Variants in CROCC2 observed in about 807,000 individuals in gnomAD.
CROCC2 encodes the protein ciliary rootlet coiled-coil protein 2.
Under a neutral mutation model 177.6 loss-of-function variants are expected in CROCC2, and 163 were observed. The observed-to-expected ratio is 0.92, with a 90% CI of 0.81 to 1.05. The LOEUF is 1.05. Ranked by LOEUF, CROCC2 falls within the 50% of genes least tolerant of loss-of-function variation. CROCC2 has a pLI of 0.00. For missense variants in CROCC2, 1,929 were observed against 1,797.8 expected (o/e 1.07, Z -1.32); for synonymous variants, 904 against 787.3 (o/e 1.15, Z -2.48).
At position 240,933,857 on chromosome 2, in the gene CROCC2, G is replaced by A. The variant is rs915203261; in HGVS notation, c.1646+5G>A. 83 of 1,541,434 alleles carry A rather than the reference G, an allele frequency of 5.4e-5. 1 individual carries two copies. In the East Asian group the frequency reaches 1.2e-3, roughly 23 times the overall value. On this transcript the variant is annotated splice_donor_5th_base_variant and intron_variant, in intron 11 of 31. Coordinates refer to ENST00000690015, the MANE Select transcript of CROCC2 (RefSeq NM_001351305.2). ...CTGCAGGGCACTGGAGACCAGGTGCGCGGCCGTGGCTGGGTGGGCAGGGCC... is the reference window on the plus strand; with the variant it reads ...CTGCAGGGCACTGGAGACCAGGTGCACGGCCGTGGCTGGGTGGGCAGGGCC...
At chr2:240,911,630 G>A (rs980935610) in intron 1 of CROCC2, among the ~76,000 whole-genome samples, 2 of 151,610 alleles carry the variant, frequency 1.3e-5, no homozygotes, top group Non-Finnish European at 2.9e-5. Context: ...CTGAGACTCT[G>A]CCCCCATTCA....
rs553300803 is a variant in CROCC2, at chr2:240,967,612, C to T, written c.4267+147C>T. 57 of 1,474,010 alleles carry T rather than the reference C, an allele frequency of 3.9e-5. No homozygotes were observed. In the African/African-American group the frequency reaches 7.4e-4, roughly 19 times the overall value. 91.3% of individuals were successfully genotyped at this position (1,474,010 alleles called of 1,614,324 possible). On this transcript the variant is annotated intron_variant, in intron 26 of 31. Coordinates refer to ENST00000690015, the MANE Select transcript of CROCC2 (RefSeq NM_001351305.2). ...TGGGGGCAACACCCAAACCACCAGGCCTGGCGAGGCTGGGTCAGCGCTTGG... is the reference window on the plus strand; with the variant it reads ...TGGGGGCAACACCCAAACCACCAGGTCTGGCGAGGCTGGGTCAGCGCTTGG...
At position 240,953,557 on chromosome 2, in the gene CROCC2, G is replaced by C. The variant is rs551658612; in HGVS notation, c.2830-2302G>C. 6.6e-6 allele frequency among the ~76,000 whole-genome samples: 1 copy of C among 152,182 alleles called. No individual in the cohort carries two copies. The highest frequency in any genetic ancestry group is 2.1e-4 in the South Asian group (1 of 4,830). ...GCACAGACGGGCTGGCCTGTGGGGA[G>C]CCCTTGCCGGTGCAGCAAGTGAGTT... On this transcript the variant is annotated intron_variant, in intron 18 of 31. Transcript: ENST00000690015. The surrounding 1 kb of genome is among the most constrained non-coding windows in gnomAD (Gnocchi z 4.0).
chr2:240,910,825 C>T (rs1322715954), intron 1 of CROCC2, among the ~76,000 whole-genome samples: 2 of 152,160 alleles, frequency 1.3e-5, no homozygotes, highest in Non-Finnish European at 2.9e-5. Flanking sequence ...ATTGTTCAGC[C>T]TTTTTAAAAA....
At chr2:240,965,290 G>C in intron 22 of CROCC2, 91 bp from the exon 23 acceptor site, 1 of 1,509,334 alleles carries the variant, frequency 6.6e-7, no homozygotes, top group South Asian at 1.3e-5. Context: ...CTGCCCTCAA[G>C]GGACGTGTGA....
At chr2:240,927,450 G>A (rs942702877) in intron 5 of CROCC2, among the ~76,000 whole-genome samples, 1 of 152,048 alleles carries the variant, frequency 6.6e-6, no homozygotes, top group East Asian at 1.9e-4. Context: ...CACAGTTCAC[G>A]GATTTGTTCT....
At chr2:240,983,294 A>G (rs1028456184) in intron 28 of CROCC2, 1 of 1,081,928 alleles carries the variant, frequency 9.2e-7, no homozygotes, top group Non-Finnish European at 1.3e-6. Flanking sequence ...CCTACAACAG[A>G]GGAGTCAGCT....
intron 4 of CROCC2, among the ~76,000 whole-genome samples, chr2:240,925,227 G>C (rs949092862): frequency 6.6e-6 from 1 of 152,216 alleles, no homozygotes; most frequent in African/African-American, 2.4e-5. Context: ...GGGGGTGCCG[G>C]CTCCCGAGGT....
chr2:240,954,060 A>G (rs1439331251), intron 18 of CROCC2, among the ~76,000 whole-genome samples: 1 of 152,202 alleles, frequency 6.6e-6, no homozygotes, highest in Non-Finnish European at 1.5e-5. Flanking sequence ...TAAACAGCCA[A>G]CCGGCCTCCA....
chr2:240,961,309 G>A lies in CROCC2; in HGVS notation c.3087+1865G>A, dbSNP rs1172139934. Among the ~76,000 whole-genome samples, 6 of 152,204 alleles carry A rather than the reference G, an allele frequency of 3.9e-5. No homozygotes were observed. The East Asian group carries it at 1.2e-3, about 29-fold the overall frequency. On this transcript the variant is annotated intron_variant, in intron 20 of 31. Coordinates refer to ENST00000690015, the MANE Select transcript of CROCC2 (RefSeq NM_001351305.2). Reference sequence around the variant, plus strand: ...ACACTTGACACTCAGAGTGGTGTGTGCATGCTGAATGCAGACACACAAGCC... The same window carrying A: ...ACACTTGACACTCAGAGTGGTGTGTACATGCTGAATGCAGACACACAAGCC...
intron 13 of CROCC2, 75 bp downstream of exon 13, chr2:240,935,137 C>T (rs2059459825): frequency 7.6e-7 from 1 of 1,318,692 alleles, no homozygotes; most frequent in East Asian, 3.1e-5. Context: ...CAGCCCTAGG[C>T]CTTCTTTCCA....
In CROCC2 at chr2:240,959,078, C is replaced by G. The variant is rs2106475346; in HGVS notation, c.2944-223C>G. ...CCTGCTGTGTCCGTGGGCACTCACA[C>G]ATCACAGCTGTCAGGGGCCGTGGAT... On this transcript the variant is annotated intron_variant, in intron 19 of 31. Transcript: ENST00000690015. The G allele has an allele frequency of 1.7e-5, 9 of 531,304 alleles. No individual in the cohort carries two copies. In the South Asian group the frequency reaches 2.3e-4, roughly 14 times the overall value. The allele number at this position is 531,304 out of a possible 1,614,324, so 32.9% of individuals were successfully genotyped here. A position where few individuals can be genotyped will look rare whatever the true frequency, so the allele number is the denominator to read the frequency against.
chr2:240,961,121 C>T (rs76772356), intron 20 of CROCC2, among the ~76,000 whole-genome samples: 2 of 152,076 alleles, frequency 1.3e-5, no homozygotes, highest in South Asian at 4.1e-4. Context: ...AAGCAGAGCC[C>T]GTGCAGGCGC....
chr2:240,983,413 G>A (rs1188827748), intron 28 of CROCC2: 14 of 1,284,724 alleles, frequency 1.1e-5, no homozygotes, highest in East Asian at 6.0e-5. Flanking sequence ...CACGCCCAGC[G>A]TCTTCGGCCC....
Position 240,917,299 on chromosome 2 carries a change from G to C in CROCC2, c.79-1427G>C, listed in dbSNP as rs1470809544. On this transcript the variant is annotated intron_variant, in intron 1 of 31. Coordinates refer to ENST00000690015, the MANE Select transcript of CROCC2 (RefSeq NM_001351305.2). The surrounding 1 kb of genome is among the most constrained non-coding windows in gnomAD (Gnocchi z 4.9). The stretch of plus-strand genomic sequence containing the variant: ...TGCGGTGACTCTCCAACCCCGGCGA[G>C]GGGGGCCGCGATCTTTGGGGTGCAG... Among the ~76,000 whole-genome samples, 1 of 136,284 alleles carries C rather than the reference G, an allele frequency of 7.3e-6. No homozygotes were observed. The highest frequency in any genetic ancestry group is 1.5e-5 in the Non-Finnish European group (1 of 67,684). The allele number at this position is 136,284 out of a possible 152,430, so 89.4% of individuals were successfully genotyped here.
In CROCC2 at chr2:240,982,804, C is replaced by T. The variant is rs2059809916; in HGVS notation, c.4402-76C>T. On this transcript the variant is annotated intron_variant, in intron 27 of 31. Coordinates refer to ENST00000690015, the MANE Select transcript of CROCC2 (RefSeq NM_001351305.2). The surrounding 1 kb of genome is among the most constrained non-coding windows in gnomAD (Gnocchi z 4.7). ...CCTGCCAGACGGTCTAGGCAGATGC[C>T]CTGAGGCCAGGGTTTCCCTGCAGGG... The T allele has an allele frequency of 7.3e-7, 1 of 1,369,168 alleles. No homozygotes were observed. Among genetic ancestry groups the T allele is most frequent in the Admixed American group, 2.3e-5 (1 of 43,332 alleles). The allele number at this position is 1,369,168 out of a possible 1,614,324, so 84.8% of individuals were successfully genotyped here.
intron 9 of CROCC2, 23 bp from the exon 10 acceptor site, chr2:240,933,108 C>T (rs2106461477): frequency 6.5e-7 from 1 of 1,549,816 alleles, no homozygotes; most frequent in Non-Finnish European, 8.7e-7. Context: ...CAGAGAGGCC[C>T]ACAACTTACC....
At chr2:240,938,971 C>CT (rs908836916) in intron 14 of CROCC2, among the ~76,000 whole-genome samples, 4 of 152,046 alleles carry the variant, frequency 2.6e-5, no homozygotes, top group African/African-American at 9.7e-5. Flanking sequence ...AATAGTTTTA[C>CT]TTTTTTTCTG....
intron 27 of CROCC2, among the ~76,000 whole-genome samples, chr2:240,975,766 G>C (rs182022367): frequency 8.1e-6 from 1 of 123,330 alleles, no homozygotes; most frequent in African/African-American, 3.2e-5. Context: ...TTTTGCTCTC[G>C]TTGCCCAGGC....
Sources: gnomAD v4.1 joint callset for allele counts (sites outside exome capture counted in the v4.1 genomes callset) on GRCh38, gnomAD v4.1.1 for gene constraint, Gnocchi (gnomAD v3.1) non-coding constraint, MANE v1.5 for transcripts, NCBI Gene and HGNC (gene_info 2026-07-23, HGNC 2026-07-21) for gene names.